The following ZC4H2 variants were observed in gnomAD, a reference collection of about 807,000 sequenced individuals.
The protein encoded by ZC4H2 is zinc finger C4H2-type containing.
For synonymous variants in ZC4H2, 84 were observed against 66.3 expected, an observed-to-expected ratio of 1.27 and a Z score of -1.30; for missense variants, 137 against 173.9, an observed-to-expected ratio of 0.79 and a Z score of 1.19.
chrX:64,993,421 C>T (rs1932348667), intron 1 of ZC4H2, among the ~76,000 whole-genome samples: 1 of 111,472 alleles, frequency 9.0e-6, no homozygotes, highest in Admixed American at 9.5e-5. Context: ...AAAATCCTAA[C>T]ACCCAAGACG....
chrX:64,939,704 G>A (rs1307239176), intron 1 of ZC4H2, among the ~76,000 whole-genome samples: 1 of 111,936 alleles, frequency 8.9e-6, no homozygotes, highest in Non-Finnish European at 1.9e-5. Flanking sequence ...TTTAATAAAT[G>A]GTGTTGGCAA....
chrX:64,998,979 T>C (rs1932472761), intron 1 of ZC4H2, among the ~76,000 whole-genome samples: 1 of 109,430 alleles, frequency 9.1e-6, no homozygotes, highest in African/African-American at 3.3e-5. Flanking sequence ...TTTCATTTTT[T>C]TATTTGTGTC....
At chrX:64,976,192 C>A in intron 1 of ZC4H2, 133 bp downstream of exon 1, 1 of 714,302 alleles carries the variant, frequency 1.4e-6, no homozygotes, top group East Asian at 3.2e-5. Context: ...CCCATCCTCA[C>A]CTCTCCGGCA....
At chrX:64,946,581 GCACACACACACACACA>G (rs61275459) in intron 1 of ZC4H2, among the ~76,000 whole-genome samples, 2 of 95,878 alleles carry the variant, frequency 2.1e-5, no homozygotes, top group Admixed American at 1.2e-4. Context: ...TTAAATGCGT[GCACACACACACACACA>G]CACACACACA....
At chrX:64,958,059 A>ATT (rs771450059) in intron 1 of ZC4H2, among the ~76,000 whole-genome samples, 1 of 109,688 alleles carries the variant, frequency 9.1e-6, no homozygotes, top group African/African-American at 3.3e-5. Flanking sequence ...TTTTACAGTT[A>ATT]TTTTTTTTTA....
intron 1 of ZC4H2, among the ~76,000 whole-genome samples, chrX:64,950,640 A>T (rs1930761809): frequency 9.1e-6 from 1 of 110,279 alleles, no homozygotes; most frequent in African/African-American, 3.3e-5. Flanking sequence ...GTTGGTTTAA[A>T]GTCTGTTTTA....
At chrX:64,991,781 C>A (rs1276509795) in intron 1 of ZC4H2, among the ~76,000 whole-genome samples, 1 of 111,991 alleles carries the variant, frequency 8.9e-6, no homozygotes, top group Non-Finnish European at 1.9e-5. Flanking sequence ...CCCAAATACC[C>A]ATCAATTGAT....
chrX:64,953,128 C>T (rs1401284992), intron 1 of ZC4H2, among the ~76,000 whole-genome samples: 3 of 112,071 alleles, frequency 2.7e-5, no homozygotes, highest in African/African-American at 9.7e-5. Context: ...TATTAGAAAG[C>T]TGAAACTGGA....
rs767365582 is a variant in ZC4H2, at chrX:64,917,753, T to C, written c.*30A>G. 2.4e-5 allele frequency: 29 copies of C among 1,198,367 alleles called. No homozygotes were observed. Among genetic ancestry groups the C allele is most frequent in the Non-Finnish European group, 2.9e-5 (26 of 889,065 alleles). ...CTCTGGTCAAGGTGAGGGGTTATAATTAGCAAAGCTTCATGTGCTCTCCCT... is the reference window on the plus strand; with the variant it reads ...CTCTGGTCAAGGTGAGGGGTTATAACTAGCAAAGCTTCATGTGCTCTCCCT... On this transcript the variant is annotated 3_prime_UTR_variant, in exon 5 of 5. Transcript: ENST00000374839.
intron 1 of ZC4H2, among the ~76,000 whole-genome samples, chrX:64,960,577 A>G (rs1428660168): frequency 8.9e-6 from 1 of 111,934 alleles, no homozygotes; most frequent in Non-Finnish European, 1.9e-5. Flanking sequence ...ACAAAGCACT[A>G]CTTTGGTTCC....
chrX:64,917,450 CTT>C lies in ZC4H2; in HGVS notation c.*331_*332del, dbSNP rs1928984427. On this transcript the variant is annotated 3_prime_UTR_variant, in exon 5 of 5. Transcript: ENST00000374839. ...CCCTGCCCCTCAGACCCTACAGCTC[CTT>C]AGGCTCCAGGCCTCAGGCACAAGAG... is the stretch of plus-strand genomic sequence containing the variant. 2 of 189,513 alleles carry C rather than the reference CTT, an allele frequency of 1.1e-5. No homozygotes were observed. Among genetic ancestry groups the C allele is most frequent in the South Asian group, 1.1e-4 (1 of 9,259 alleles). The allele number at this position is 189,513 out of a possible 1,213,427, so 15.6% of individuals were successfully genotyped here. A position where few individuals can be genotyped will look rare whatever the true frequency, so the allele number is the denominator to read the frequency against.
At chrX:64,970,538 GAGGA>G (rs1199947355) in intron 1 of ZC4H2, among the ~76,000 whole-genome samples, 1 of 110,216 alleles carries the variant, frequency 9.1e-6, no homozygotes, top group Non-Finnish European at 1.9e-5. Context: ...GGAAGGAAGG[GAGGA>G]AGGAAGGGAG....
upstream of ZC4H2, among the ~76,000 whole-genome samples, chrX:64,977,197 G>A (rs1299446599): frequency 1.8e-5 from 2 of 111,540 alleles, no homozygotes; most frequent in Non-Finnish European, 3.8e-5. Flanking sequence ...GAATAGATAA[G>A]GTGTAACCTG....
rs1231607736 is a variant in ZC4H2, at chrX:64,916,938, T to C, written c.*845A>G. ...TGAGCATGTGCCAGAGTAATGGTTC[T>C]GAACAAAAGCCAACACAGATGTCAG... On this transcript the variant is annotated 3_prime_UTR_variant, in exon 5 of 5. Coordinates refer to ENST00000374839, the MANE Select transcript of ZC4H2 (RefSeq NM_018684.4). 1.8e-5 allele frequency: 2 copies of C among 112,328 alleles called. No individual in the cohort carries two copies. Among genetic ancestry groups the C allele is most frequent in the Non-Finnish European group, 3.8e-5 (2 of 53,236 alleles). The allele number at this position is 112,328 out of a possible 1,213,427, so 9.3% of individuals were successfully genotyped here. A position where few individuals can be genotyped will look rare whatever the true frequency, so the allele number is the denominator to read the frequency against.
chrX:64,929,081 C>T (rs751690148), intron 1 of ZC4H2, among the ~76,000 whole-genome samples: 7 of 109,987 alleles, frequency 6.4e-5, no homozygotes, highest in Non-Finnish European at 1.1e-4. Context: ...TTAGTAGAGG[C>T]AGGATTTCGC....
At chrX:64,928,682 T>TTCTTCTTCTTCTTCTTCTTCTTCC (rs1331300174) in intron 1 of ZC4H2, among the ~76,000 whole-genome samples, 3 of 91,945 alleles carry the variant, frequency 3.3e-5, no homozygotes, top group African/African-American at 1.1e-4. Context: ...CTTCTTCTTC[T>TTCTTCTTCTTCTTCTTCTTCTTCC]TCCTCCTCCT....
At chrX:65,030,529 T>C (rs1268673729) in intron 1 of ZC4H2, among the ~76,000 whole-genome samples, 2 of 112,421 alleles carry the variant, frequency 1.8e-5, no homozygotes, top group African/African-American at 6.5e-5. Context: ...CAATTTATGA[T>C]TTCATTTATG....
intron 1 of ZC4H2, among the ~76,000 whole-genome samples, chrX:65,003,540 CTAAT>C (rs1932593324): frequency 9.0e-6 from 1 of 110,842 alleles, no homozygotes; most frequent in Non-Finnish European, 1.9e-5. Context: ...GCTAGCGAGA[CTAAT>C]AAAGAAGAAA....
At chrX:64,979,034 T>C (rs1226886983), upstream of ZC4H2, among the ~76,000 whole-genome samples, 1 of 111,811 alleles carries the variant, frequency 8.9e-6, no homozygotes, top group Non-Finnish European at 1.9e-5. Flanking sequence ...TGTTAATGGG[T>C]TTAGAGTCTG....
Sources: gnomAD v4.1 joint callset for allele counts (sites outside exome capture counted in the v4.1 genomes callset) on GRCh38, gnomAD v4.1.1 for gene constraint, MANE v1.5 for transcripts, NCBI Gene and HGNC (gene_info 2026-07-23, HGNC 2026-07-21) for gene names.